Variants in AGMO observed in about 807,000 individuals in gnomAD.
AGMO encodes the protein glyceryl-ether monooxygenase.
Under a neutral mutation model 60.2 loss-of-function variants are expected in AGMO, and 75 were observed. That is an observed-to-expected ratio of 1.25 (90% CI 1.03 to 1.51). The LOEUF (loss-of-function observed/expected upper bound fraction) is 1.51. AGMO is among the 40% of genes most tolerant of loss of function. The probability of loss-of-function intolerance (pLI) is 0.00; values close to 1 mark genes in which losing one functional copy is unlikely to be tolerated. For synonymous variants in AGMO, 261 were observed against 177.1 expected (o/e 1.47, Z -3.76); for missense variants, 763 against 525.5 (o/e 1.45, Z -4.42).
At chr7:15,463,571 C>A (rs1157233179) in intron 3 of AGMO, among the ~76,000 whole-genome samples, 1 of 152,140 alleles carries the variant, frequency 6.6e-6, no homozygotes, top group Non-Finnish European at 1.5e-5. Context: ...ATAAGCATTT[C>A]TTGAATACAC....
chr7:15,485,617 C>T (rs952776110), intron 3 of AGMO, among the ~76,000 whole-genome samples: 6 of 152,020 alleles, frequency 3.9e-5, no homozygotes, highest in African/African-American at 1.4e-4. Flanking sequence ...ATTATTTCTC[C>T]CATGTTTGCG....
At chr7:15,292,750 CCT>C (rs1784307216) in intron 12 of AGMO, among the ~76,000 whole-genome samples, 1 of 123,260 alleles carries the variant, frequency 8.1e-6, no homozygotes, top group African/African-American at 3.7e-5. Context: ...CTTTTTTTTT[CCT>C]TTTTTTTTTT....
chr7:15,206,350 CAT>C (rs1781440040), intron 12 of AGMO, among the ~76,000 whole-genome samples: 1 of 151,570 alleles, frequency 6.6e-6, no homozygotes, highest in Admixed American at 6.6e-5. Flanking sequence ...TATATACAAA[CAT>C]ATTTATTCAT....
chr7:15,529,687 G>GAATATATAT (rs1784246008), intron 3 of AGMO, among the ~76,000 whole-genome samples: 1 of 74,904 alleles, frequency 1.3e-5, no homozygotes, highest in African/African-American at 5.5e-5. Context: ...TCTATATATA[G>GAATATATAT]AATATATATT....
In AGMO at chr7:15,286,357, G is replaced by A. The variant is rs1478775553; in HGVS notation, c.1263+79157C>T. On this transcript the variant is annotated intron_variant, in intron 12 of 12. Coordinates refer to ENST00000342526, the MANE Select transcript of AGMO (RefSeq NM_001004320.2). Reference sequence around the variant, plus strand: ...AACTAATATTCAGAATCCACAAAGAGCTCAAATAAATCAGCAGGAAAAAAA... The same window carrying A: ...AACTAATATTCAGAATCCACAAAGAACTCAAATAAATCAGCAGGAAAAAAA... Among the ~76,000 whole-genome samples the A allele has an allele frequency of 4.6e-5, 7 of 151,612 alleles. No homozygotes were observed. In the South Asian group the frequency reaches 1.0e-3, roughly 22 times the overall value.
At chr7:15,187,166 G>T in the AGMO span, among the ~76,000 whole-genome samples, 1 of 152,088 alleles carries the variant, frequency 6.6e-6, no homozygotes, top group African/African-American at 2.4e-5. Flanking sequence ...ATAGAATTGT[G>T]TCTATGTTTC....
At chr7:15,369,745 A>G (rs1023167033) in intron 10 of AGMO, among the ~76,000 whole-genome samples, 2 of 152,122 alleles carry the variant, frequency 1.3e-5, no homozygotes, top group Non-Finnish European at 2.9e-5. Flanking sequence ...GAAAGTTTTT[A>G]TCTCTTCATT....
chr7:15,350,993 T>C (rs959049016), intron 12 of AGMO, among the ~76,000 whole-genome samples: 1 of 152,160 alleles, frequency 6.6e-6, no homozygotes, highest in African/African-American at 2.4e-5. Flanking sequence ...AAAATGCTTT[T>C]TAAGAAAATT....
chr7:15,168,744 C>T, the AGMO span, among the ~76,000 whole-genome samples: 1 of 152,196 alleles, frequency 6.6e-6, no homozygotes, highest in Admixed American at 6.5e-5. Flanking sequence ...ATGGGGCCCA[C>T]ACTCAATGCA....
intron 5 of AGMO, among the ~76,000 whole-genome samples, chr7:15,413,273 T>C (rs1366368210): frequency 3.9e-5 from 6 of 152,176 alleles, no homozygotes; most frequent in Non-Finnish European, 7.4e-5. Context: ...GACAAATTAA[T>C]ATGTTATTCA....
rs1222061686 is a variant in AGMO at position 15,354,329 on chromosome 7, C to T, written c.1263+11185G>A. On this transcript the variant is annotated intron_variant, in intron 12 of 12. Coordinates refer to ENST00000342526, the MANE Select transcript of AGMO (RefSeq NM_001004320.2). ...GTGTATACACGCGTGTATATACGTACGCGTGTATATACACGCGTGTATATA... is the reference window on the plus strand; with the variant it reads ...GTGTATACACGCGTGTATATACGTATGCGTGTATATACACGCGTGTATATA... Among the ~76,000 whole-genome samples, 8 of 79,198 alleles carry T rather than the reference C, an allele frequency of 1.0e-4. 1 individual carries two copies. Among genetic ancestry groups the T allele is most frequent in the African/African-American group, 2.4e-4 (4 of 16,990 alleles). 52.0% of individuals were successfully genotyped at this position (79,198 alleles called of 152,430 possible).
chr7:15,444,126 T>A (rs1174711883), intron 3 of AGMO, among the ~76,000 whole-genome samples: 1 of 152,170 alleles, frequency 6.6e-6, no homozygotes, highest in African/African-American at 2.4e-5. Context: ...GCATCTACCG[T>A]TGTTTTTTAT....
At position 15,541,904 on chromosome 7, in the gene AGMO, G is replaced by C. The variant is rs1326363257; in HGVS notation, c.409+2868C>G. 2.6e-5 allele frequency among the ~76,000 whole-genome samples: 4 copies of C among 152,276 alleles called. No homozygotes were observed. The East Asian group carries it at 7.7e-4, about 29-fold the overall frequency. ...TATGTTTTTGCTATATCATTTTGAA[G>C]TAGTGAAAGGAAAGTAATACATTGA... On this transcript the variant is annotated intron_variant, in intron 3 of 12. Transcript: ENST00000342526.
At position 15,368,685 on chromosome 7, in the gene AGMO, G is replaced by A. The variant is rs911596750; in HGVS notation, c.1075-2463C>T. Among the ~76,000 whole-genome samples, 7 of 152,044 alleles carry A rather than the reference G, an allele frequency of 4.6e-5. No individual in the cohort carries two copies. The South Asian group carries it at 1.4e-3, about 31-fold the overall frequency. On this transcript the variant is annotated intron_variant, in intron 10 of 12. Coordinates refer to ENST00000342526, the MANE Select transcript of AGMO (RefSeq NM_001004320.2). ...TATTGTTACTATGTTCAGGAGCTTA[G>A]GCTAATCTTAATTACAATAAGATGA...
At chr7:15,344,723 C>G (rs140669371) in intron 12 of AGMO, among the ~76,000 whole-genome samples, 1 of 152,018 alleles carries the variant, frequency 6.6e-6, no homozygotes, top group South Asian at 2.1e-4. Flanking sequence ...CCCAAAAACA[C>G]GTGGATGCAG....
chr7:15,553,277 T>C (rs1424582902), intron 2 of AGMO, among the ~76,000 whole-genome samples: 1 of 151,422 alleles, frequency 6.6e-6, no homozygotes, highest in Non-Finnish European at 1.5e-5. Context: ...CATATGTAAC[T>C]AACCTGCGCA....
At chr7:15,342,129 G>C (rs2128549731) in intron 12 of AGMO, among the ~76,000 whole-genome samples, 1 of 135,558 alleles carries the variant, frequency 7.4e-6, no homozygotes, top group African/African-American at 2.9e-5. Context: ...CATGTGACTG[G>C]GTGAATTGCC....
chr7:15,377,791 T>C (rs908270983), intron 10 of AGMO, among the ~76,000 whole-genome samples: 11 of 152,110 alleles, frequency 7.2e-5, no homozygotes, highest in Admixed American at 5.9e-4. Context: ...TAAGTTAATA[T>C]ATTAAACAAA....
At chr7:15,460,798 G>A (rs926664084) in intron 3 of AGMO, among the ~76,000 whole-genome samples, 1 of 152,078 alleles carries the variant, frequency 6.6e-6, no homozygotes, top group Non-Finnish European at 1.5e-5. Flanking sequence ...AAGTACTCCA[G>A]ATAAAATATG....
Sources: allele counts gnomAD v4.1 joint callset (sites outside exome capture counted in the v4.1 genomes callset), GRCh38; gene constraint gnomAD v4.1.1; transcripts MANE v1.5; gene names NCBI Gene and HGNC (gene_info 2026-07-23, HGNC 2026-07-21).